BMERB1: variants seen among roughly 807,000 people sequenced by gnomAD.
The protein encoded by BMERB1 is bMERB domain-containing protein 1.
A neutral mutation model predicts 23.6 loss-of-function variants in BMERB1; 12 were observed. The ratio of observed to expected loss-of-function variants is 0.51; its 90% confidence interval spans 0.33 to 0.82. BMERB1 has a LOEUF of 0.82. Ranked by LOEUF, BMERB1 falls within the 40% of genes least tolerant of loss-of-function variation. The pLI is 0.03. For missense variants in BMERB1, 247 were observed against 255.4 expected (o/e 0.97, Z 0.22); for synonymous variants, 122 against 96.6 (o/e 1.26, Z -1.54).
chr16:15,542,132 C>G (rs905726973), intron 2 of BMERB1, among the ~76,000 whole-genome samples: 2 of 143,902 alleles, frequency 1.4e-5, no homozygotes, highest in African/African-American at 5.3e-5. Flanking sequence ...GGCATGATTG[C>G]GGCTCACTGC....
chr16:15,465,724 T>G (rs998196291), intron 1 of BMERB1, among the ~76,000 whole-genome samples: 45 of 152,336 alleles, frequency 3.0e-4, no homozygotes, highest in Middle Eastern at 6.8e-3. Context: ...AGACTCCTAC[T>G]CAGTCCTTTT....
rs1567469970 is a variant in BMERB1, at chr16:15,498,641, G to GAAGGAAGGAAGGGAAGATGGAACT, written c.107-16652_107-16629dup. On this transcript the variant is annotated intron_variant, in intron 1 of 5. Coordinates refer to ENST00000300006, the MANE Select transcript of BMERB1 (RefSeq NM_033201.3). ...AAAAGAAAGAGAAAGGAAGAAAGAG[G>GAAGGAAGGAAGGGAAGATGGAACT]AAGGAAGGAAGGGAAGATGGAACTA... Among the ~76,000 whole-genome samples, 74 of 151,574 alleles carry GAAGGAAGGAAGGGAAGATGGAACT rather than the reference G, an allele frequency of 4.9e-4. No homozygotes were observed. In the South Asian group the frequency reaches 9.4e-3, roughly 19 times the overall value.
intron 2 of BMERB1, among the ~76,000 whole-genome samples, chr16:15,563,972 A>G (rs2150970703): frequency 6.6e-6 from 1 of 151,660 alleles, no homozygotes; most frequent in South Asian, 2.1e-4. Context: ...GTGAGTTCTC[A>G]CTCTTTTAGT....
intron 1 of BMERB1, among the ~76,000 whole-genome samples, chr16:15,499,835 C>G (rs1365468833): frequency 1.3e-5 from 2 of 152,168 alleles, no homozygotes; most frequent in East Asian, 3.8e-4. Flanking sequence ...TAACCCGTGT[C>G]TTTCTTCAGC....
At chr16:15,574,983 G>A (rs2030821850) in intron 3 of BMERB1, among the ~76,000 whole-genome samples, 1 of 152,206 alleles carries the variant, frequency 6.6e-6, no homozygotes, top group African/African-American at 2.4e-5. Flanking sequence ...GGAGACTGAG[G>A]CAGGAGAATT....
chr16:15,530,998 C>T (rs113420437), intron 2 of BMERB1, among the ~76,000 whole-genome samples: 7,360 of 150,158 alleles, frequency 0.049, 567 homozygotes, highest in African/African-American at 0.16. Context: ...CACCACCTCC[C>T]GGGTTCAAGC....
chr16:15,486,605 T>C (rs2051370962), intron 1 of BMERB1, among the ~76,000 whole-genome samples: 2 of 152,164 alleles, frequency 1.3e-5, no homozygotes, highest in South Asian at 4.1e-4. Context: ...GTGAGTTCCA[T>C]TGTATCAACA....
chr16:15,462,607 G>A (rs778055157), intron 1 of BMERB1, among the ~76,000 whole-genome samples: 30 of 152,240 alleles, frequency 2.0e-4, no homozygotes, highest in Admixed American at 5.2e-4. Flanking sequence ...AGAGGAGGCC[G>A]GAGAGGGGAG....
chr16:15,451,116 A>G (rs1335199883), intron 1 of BMERB1, among the ~76,000 whole-genome samples: 1 of 152,150 alleles, frequency 6.6e-6, no homozygotes, highest in Admixed American at 6.6e-5. Flanking sequence ...GAAATAGGAA[A>G]TAGAAAGCTG....
chr16:15,480,341 C>T (rs2051309172), intron 1 of BMERB1, among the ~76,000 whole-genome samples: 1 of 151,940 alleles, frequency 6.6e-6, no homozygotes, highest in Non-Finnish European at 1.5e-5. Context: ...GTCTCAATCT[C>T]CTGACCTCGT....
At chr16:15,560,065 G>A (rs976721748) in intron 2 of BMERB1, among the ~76,000 whole-genome samples, 6 of 152,178 alleles carry the variant, frequency 3.9e-5, no homozygotes, top group African/African-American at 1.4e-4. Flanking sequence ...CTCCTTTAGC[G>A]GAAGGTGTGT....
intron 1 of BMERB1, among the ~76,000 whole-genome samples, chr16:15,472,314 G>T (rs998560733): frequency 1.3e-5 from 2 of 152,142 alleles, no homozygotes; most frequent in Non-Finnish European, 2.9e-5. Context: ...CTGATTTTCT[G>T]TCTAGTAAGT....
intron 2 of BMERB1, among the ~76,000 whole-genome samples, chr16:15,522,507 G>C (rs2051865518): frequency 6.6e-6 from 1 of 152,084 alleles, no homozygotes; most frequent in African/African-American, 2.4e-5. Flanking sequence ...TTCTATGCTG[G>C]CTAGTTTTCT....
At chr16:15,435,935 T>TC (rs1432187358) in intron 1 of BMERB1, among the ~76,000 whole-genome samples, 5 of 152,128 alleles carry the variant, frequency 3.3e-5, no homozygotes, top group Non-Finnish European at 7.3e-5. Flanking sequence ...TCTTTTTTTT[T>TC]CTCCCTTTTT....
chr16:15,461,477 C>G (rs1334595153), intron 1 of BMERB1, among the ~76,000 whole-genome samples: 1 of 152,156 alleles, frequency 6.6e-6, no homozygotes, highest in Non-Finnish European at 1.5e-5. Flanking sequence ...TCTATGTGAT[C>G]TCTACCCAAA....
chr16:15,513,848 C>T (rs145839693), intron 1 of BMERB1, among the ~76,000 whole-genome samples: 1 of 151,800 alleles, frequency 6.6e-6, no homozygotes, highest in African/African-American at 2.4e-5. Flanking sequence ...GAGCCAAGAT[C>T]GTGCCACTGC....
At chr16:15,461,199 A>G (rs1371297566) in intron 1 of BMERB1, among the ~76,000 whole-genome samples, 1 of 151,730 alleles carries the variant, frequency 6.6e-6, no homozygotes, top group African/African-American at 2.4e-5. Flanking sequence ...AGGGAGAAGC[A>G]CAATTCAAGG....
chr16:15,566,531 C>G (rs1022803073), intron 2 of BMERB1, among the ~76,000 whole-genome samples: 1 of 151,856 alleles, frequency 6.6e-6, no homozygotes, highest in Admixed American at 6.6e-5. Context: ...CAGTGGCTCA[C>G]GCCTGTAATC....
Position 15,470,902 on chromosome 16 carries a change from T to C in BMERB1, c.106+36143T>C, listed in dbSNP as rs1016257768. On this transcript the variant is annotated intron_variant, in intron 1 of 5. Coordinates refer to ENST00000300006, the MANE Select transcript of BMERB1 (RefSeq NM_033201.3). ...CTCAGGCTGCAGTGCAGTGGTGCAATCTCGGCTCACTGCAACCTCTCCCTC... is the reference window on the plus strand; with the variant it reads ...CTCAGGCTGCAGTGCAGTGGTGCAACCTCGGCTCACTGCAACCTCTCCCTC... Among the ~76,000 whole-genome samples, 4 of 128,032 alleles carry C rather than the reference T, an allele frequency of 3.1e-5. No individual in the cohort carries two copies. The East Asian group carries it at 1.1e-3, about 34-fold the overall frequency. The allele number at this position is 128,032 out of a possible 152,430, so 84.0% of individuals were successfully genotyped here.
Sources: gnomAD v4.1 joint callset for allele counts (sites outside exome capture counted in the v4.1 genomes callset) on GRCh38, gnomAD v4.1.1 for gene constraint, MANE v1.5 for transcripts, NCBI Gene and HGNC (gene_info 2026-07-23, HGNC 2026-07-21) for gene names.